The following ST3GAL2 variants were observed in gnomAD, a reference collection of about 807,000 sequenced individuals.
ST3GAL2 encodes the protein ST3 beta-galactoside alpha-2,3-sialyltransferase 2, also known as CMP-N-acetylneuraminate-beta-galactosamide-alpha-2,3-sialyltransferase 2.
ST3GAL2 carries 16 observed loss-of-function variants against 37.5 expected under a neutral mutation model. The observed-to-expected ratio is 0.43, with a 90% CI of 0.29 to 0.65. ST3GAL2 has a LOEUF of 0.65. Ranked by LOEUF, ST3GAL2 falls within the 30% of genes least tolerant of loss-of-function variation. The pLI is 0.17. For missense variants in ST3GAL2, 383 were observed against 487.8 expected, an observed-to-expected ratio of 0.79 and a Z score of 2.02; for synonymous variants, 238 against 202.9, an observed-to-expected ratio of 1.17 and a Z score of -1.47.
chr16:70,423,271 G>T (rs188552261), intron 1 of ST3GAL2, among the ~76,000 whole-genome samples: 29 of 152,350 alleles, frequency 1.9e-4, no homozygotes, highest in Middle Eastern at 3.4e-3. Flanking sequence ...CACTTTGGGA[G>T]GCTGCGTCCG....
At chr16:70,410,008 C>A (rs2047625311) in intron 1 of ST3GAL2, among the ~76,000 whole-genome samples, 1 of 151,412 alleles carries the variant, frequency 6.6e-6, no homozygotes, top group Non-Finnish European at 1.5e-5. Flanking sequence ...CTCAAATGAT[C>A]CTCCCAACGT....
At chr16:70,394,022 G>C (rs1302911346) in intron 3 of ST3GAL2, among the ~76,000 whole-genome samples, 3 of 152,302 alleles carry the variant, frequency 2.0e-5, no homozygotes, top group African/African-American at 7.2e-5. Flanking sequence ...CCCCAGCCAA[G>C]TCAAGGGGGG....
rs139141267 is a variant in ST3GAL2 at position 70,413,761 on chromosome 16, A to C, written c.-1003-14228T>G. ...CAAAAAAGAAAATAATAAATAAATAAATAAATAAATAAATAAATAAATAAA... is the reference window on the plus strand; with the variant it reads ...CAAAAAAGAAAATAATAAATAAATACATAAATAAATAAATAAATAAATAAA... On this transcript the variant is annotated intron_variant, in intron 1 of 6. Transcript: ENST00000342907. 6.8e-4 allele frequency among the ~76,000 whole-genome samples: 82 copies of C among 120,538 alleles called. No individual in the cohort carries two copies. The East Asian group carries it at 0.017, about 25-fold the overall frequency. 79.1% of individuals were successfully genotyped at this position (120,538 alleles called of 152,430 possible).
At chr16:70,386,495 A>G (rs947700659) in intron 4 of ST3GAL2, among the ~76,000 whole-genome samples, 2 of 151,876 alleles carry the variant, frequency 1.3e-5, no homozygotes, top group African/African-American at 4.8e-5. Flanking sequence ...CTGGCCGGCC[A>G]CACCCAGCTA....
intron 1 of ST3GAL2, among the ~76,000 whole-genome samples, chr16:70,426,939 C>T (rs1297213018): frequency 2.0e-5 from 3 of 152,062 alleles, no homozygotes; most frequent in Non-Finnish European, 4.4e-5. Context: ...TCTTGACCTC[C>T]CAGGCTCCAG....
Position 70,379,042 on chromosome 16 carries a change from G to A in ST3GAL2, c.*2647C>T, listed in dbSNP as rs116296094. ...TAAATAAAAATGCGGGTTGCCTGTGGCATGGTGGAAATTGGGCTGTGGAGG... is the reference window on the plus strand; with the variant it reads ...TAAATAAAAATGCGGGTTGCCTGTGACATGGTGGAAATTGGGCTGTGGAGG... On this transcript the variant is annotated 3_prime_UTR_variant, in exon 7 of 7. Transcript: ENST00000342907. 1 of 152,312 alleles carries A rather than the reference G, an allele frequency of 6.6e-6. No individual in the cohort carries two copies. Among genetic ancestry groups the A allele is most frequent in the African/African-American group, 2.4e-5 (1 of 41,562 alleles). The allele number at this position is 152,312 out of a possible 1,614,324, so 9.4% of individuals were successfully genotyped here.
rs1332328048 is a variant in ST3GAL2 at position 70,381,346 on chromosome 16, TCTC to T, written c.*340_*342del. 5.6e-5 allele frequency: 12 copies of T among 213,960 alleles called. No homozygotes were observed. The highest frequency in any genetic ancestry group is 1.9e-4 in the African/African-American group (8 of 43,124). 13.3% of individuals were successfully genotyped at this position (213,960 alleles called of 1,614,324 possible). A position where few individuals can be genotyped will look rare whatever the true frequency, so the allele number is the denominator to read the frequency against. ...TGCTTCGCCGAGGCCCGCGCCATGCTCTCCTCCTCAGAAAGCGTGAAAGAAAAC... is the reference window on the plus strand; with the variant it reads ...TGCTTCGCCGAGGCCCGCGCCATGCTCTCCTCAGAAAGCGTGAAAGAAAAC... On this transcript the variant is annotated 3_prime_UTR_variant, in exon 7 of 7. Coordinates refer to ENST00000342907, the MANE Select transcript of ST3GAL2 (RefSeq NM_006927.4).
rs192488277 is a variant in ST3GAL2, at chr16:70,382,343, C to T, written c.879+462G>A. On this transcript the variant is annotated intron_variant, in intron 6 of 6. Coordinates refer to ENST00000342907, the MANE Select transcript of ST3GAL2 (RefSeq NM_006927.4). ...TGTCGCCCAGGCTGGAGTGCAATGC[C>T]GCTATCTCGGCTCACTGCAACCTAC... Among the ~76,000 whole-genome samples, 57 of 152,188 alleles carry T rather than the reference C, an allele frequency of 3.7e-4. 1 individual carries two copies. Among genetic ancestry groups the T allele is most frequent in the Middle Eastern group, 3.4e-3 (1 of 294 alleles).
intron 1 of ST3GAL2, among the ~76,000 whole-genome samples, chr16:70,408,713 G>A (rs1366576973): frequency 6.6e-6 from 1 of 151,442 alleles, no homozygotes; most frequent in Non-Finnish European, 1.5e-5. Flanking sequence ...ACCTCTTGAT[G>A]CCGCCCAGAG....
chr16:70,394,380 G>A (rs939207264), intron 3 of ST3GAL2, among the ~76,000 whole-genome samples: 1 of 152,072 alleles, frequency 6.6e-6, no homozygotes, highest in Non-Finnish European at 1.5e-5. Context: ...GGCTTCTGAT[G>A]GGAATTTTTG....
At chr16:70,387,156 C>G (rs1378404421) in intron 4 of ST3GAL2, among the ~76,000 whole-genome samples, 1 of 151,776 alleles carries the variant, frequency 6.6e-6, no homozygotes, top group African/African-American at 2.4e-5. Flanking sequence ...CTCAGAAGGC[C>G]GAGGCAGGAT....
intron 4 of ST3GAL2, among the ~76,000 whole-genome samples, chr16:70,385,663 G>C (rs1031661960): frequency 1.3e-5 from 2 of 149,236 alleles, no homozygotes; most frequent in Non-Finnish European, 3.0e-5. Flanking sequence ...TTAGATTAAA[G>C]ACCCTTAGAA....
At chr16:70,403,660 A>T (rs2047570582) in intron 1 of ST3GAL2, among the ~76,000 whole-genome samples, 1 of 152,156 alleles carries the variant, frequency 6.6e-6, no homozygotes, top group Admixed American at 6.5e-5. Flanking sequence ...AAAAATACAA[A>T]ATATTAGCTG....
intron 1 of ST3GAL2, among the ~76,000 whole-genome samples, chr16:70,402,026 A>C (rs1393431456): frequency 6.8e-6 from 1 of 147,526 alleles, no homozygotes; most frequent in African/African-American, 2.5e-5. Context: ...AAGACCAGGC[A>C]TGGTGGCTTA....
At chr16:70,426,468 G>A (rs2047752269) in intron 1 of ST3GAL2, among the ~76,000 whole-genome samples, 1 of 151,314 alleles carries the variant, frequency 6.6e-6, no homozygotes, top group Non-Finnish European at 1.5e-5. Flanking sequence ...CCAAAGTGCT[G>A]GGATTACAGG....
chr16:70,411,838 T>C (rs1222456133), intron 1 of ST3GAL2, among the ~76,000 whole-genome samples: 1 of 151,604 alleles, frequency 6.6e-6, no homozygotes, highest in Non-Finnish European at 1.5e-5. Context: ...CTACTGAAAA[T>C]ACAAAATTAG....
At position 70,378,055 on chromosome 16, in the gene ST3GAL2, T is replaced by G. The variant is rs550753124; in HGVS notation, c.*3634A>C. ...ATAGACGGGAAATTTAACAAAATATTTGGAACACACCCAAAAAACTGGATG... is the reference window on the plus strand; with the variant it reads ...ATAGACGGGAAATTTAACAAAATATGTGGAACACACCCAAAAAACTGGATG... On this transcript the variant is annotated 3_prime_UTR_variant, in exon 7 of 7. Coordinates refer to ENST00000342907, the MANE Select transcript of ST3GAL2 (RefSeq NM_006927.4). 3.0e-4 allele frequency: 46 copies of G among 152,220 alleles called. No homozygotes were observed. Among genetic ancestry groups the G allele is most frequent in the African/African-American group, 1.1e-3 (45 of 41,538 alleles). The allele number at this position is 152,220 out of a possible 1,614,324, so 9.4% of individuals were successfully genotyped here. A position where few individuals can be genotyped will look rare whatever the true frequency, so the allele number is the denominator to read the frequency against.
At chr16:70,420,395 C>T (rs563149214) in intron 1 of ST3GAL2, among the ~76,000 whole-genome samples, 2 of 152,304 alleles carry the variant, frequency 1.3e-5, no homozygotes, top group African/African-American at 2.4e-5. Context: ...ACAGGCATCC[C>T]TCCCTCCGCC....
At chr16:70,383,699 G>A (rs912892677) in intron 4 of ST3GAL2, among the ~76,000 whole-genome samples, 1 of 151,750 alleles carries the variant, frequency 6.6e-6, no homozygotes, top group African/African-American at 2.4e-5. Context: ...GTGGCCCCAT[G>A]GGACCTAGGG....
Sources: allele counts gnomAD v4.1 joint callset (sites outside exome capture counted in the v4.1 genomes callset), GRCh38; gene constraint gnomAD v4.1.1; transcripts MANE v1.5; gene names NCBI Gene and HGNC (gene_info 2026-07-23, HGNC 2026-07-21).